Variants in CSMD1 observed in about 807,000 individuals in gnomAD.
CSMD1 encodes the protein CUB and sushi domain-containing protein 1.
A neutral mutation model predicts 417.5 loss-of-function variants in CSMD1; 213 were observed. The ratio of observed to expected loss-of-function variants is 0.51; its 90% CI spans 0.46 to 0.57. CSMD1 has a LOEUF of 0.57. Ranked by LOEUF, CSMD1 falls within the 20% of genes least tolerant of loss-of-function variation. The pLI, the probability that CSMD1 is intolerant of heterozygous loss-of-function variation, is 0.00. For synonymous variants in CSMD1, 2,862 were observed against 1,736.8 expected (o/e 1.65, Z -16.11); for missense variants, 6,923 against 4,529.7 (o/e 1.53, Z -15.17).
At chr8:4,162,790 T>C (rs546137132) in intron 3 of CSMD1, among the ~76,000 whole-genome samples, 3 of 152,276 alleles carry the variant, frequency 2.0e-5, no homozygotes, top group Admixed American at 2.0e-4. Context: ...GGTTCACTCT[T>C]GGTATTGTAC....
intron 1 of CSMD1, among the ~76,000 whole-genome samples, chr8:4,902,598 T>C (rs1457832060): frequency 6.6e-6 from 1 of 152,244 alleles, no homozygotes; most frequent in Non-Finnish European, 1.5e-5. Context: ...GCTAATAACA[T>C]CCTTTGACCA....
chr8:3,648,850 T>C (rs1797707241), intron 7 of CSMD1, among the ~76,000 whole-genome samples: 1 of 152,214 alleles, frequency 6.6e-6, no homozygotes, highest in African/African-American at 2.4e-5. Context: ...TGTTATGTTG[T>C]TACCAAGTGT....
intron 3 of CSMD1, among the ~76,000 whole-genome samples, chr8:4,081,220 C>T (rs112442920): frequency 3.9e-5 from 6 of 152,250 alleles, no homozygotes; most frequent in African/African-American, 1.4e-4. Flanking sequence ...TTTTGTTATG[C>T]AGCAGGAACA....
intron 46 of CSMD1, among the ~76,000 whole-genome samples, chr8:3,102,645 G>A (rs1415380259): frequency 1.3e-5 from 2 of 152,174 alleles, no homozygotes; most frequent in South Asian, 2.1e-4. Context: ...TTCTGAGGGA[G>A]GCCACTCTCA....
chr8:3,400,594 G>A (rs1311015844), intron 15 of CSMD1, among the ~76,000 whole-genome samples: 1 of 151,938 alleles, frequency 6.6e-6, no homozygotes, highest in Non-Finnish European at 1.5e-5. Flanking sequence ...TTGGAATGTG[G>A]CAAATATATT....
chr8:3,905,375 T>C (rs1460561775), intron 5 of CSMD1, among the ~76,000 whole-genome samples: 1 of 152,216 alleles, frequency 6.6e-6, no homozygotes, highest in Non-Finnish European at 1.5e-5. Context: ...CTTTAGATTT[T>C]CTTAGTAACT....
intron 49 of CSMD1, among the ~76,000 whole-genome samples, chr8:3,079,597 T>C (rs989589320): frequency 4.6e-5 from 7 of 152,214 alleles, no homozygotes; most frequent in Non-Finnish European, 1.5e-5. Context: ...AGTTAATTCA[T>C]TTATGCCAGG....
At chr8:3,990,209 C>G (rs1464140257) in intron 5 of CSMD1, among the ~76,000 whole-genome samples, 2 of 152,136 alleles carry the variant, frequency 1.3e-5, no homozygotes, top group African/African-American at 4.8e-5. Context: ...TTACAAACAA[C>G]AGGTATTTCA....
At chr8:4,930,789 A>G (rs1229672097) in intron 1 of CSMD1, among the ~76,000 whole-genome samples, 2 of 152,210 alleles carry the variant, frequency 1.3e-5, no homozygotes, top group South Asian at 4.1e-4. Flanking sequence ...AAGGAAAGCA[A>G]TTTCAGCTGT....
chr8:4,058,336 G>T (rs1199447827), intron 3 of CSMD1, among the ~76,000 whole-genome samples: 1 of 152,076 alleles, frequency 6.6e-6, no homozygotes, highest in Non-Finnish European at 1.5e-5. Flanking sequence ...CTCTCTGTTT[G>T]CCTGTTATTG....
At chr8:4,525,320 G>C (rs117159988) in intron 2 of CSMD1, among the ~76,000 whole-genome samples, 1 of 152,030 alleles carries the variant, frequency 6.6e-6, no homozygotes, top group Non-Finnish European at 1.5e-5. Context: ...CAAGGCTCCC[G>C]GCATGGGGAT....
chr8:4,400,377 A>T (rs188789331), intron 3 of CSMD1, among the ~76,000 whole-genome samples: 1 of 152,248 alleles, frequency 6.6e-6, no homozygotes, highest in Non-Finnish European at 1.5e-5. Context: ...CTTTTCATTT[A>T]TATATCCATC....
At chr8:4,965,279 A>G (rs969318096) in intron 1 of CSMD1, among the ~76,000 whole-genome samples, 2 of 152,222 alleles carry the variant, frequency 1.3e-5, no homozygotes, top group Non-Finnish European at 2.9e-5. Flanking sequence ...ATACTTACTG[A>G]GTACTTATTG....
chr8:4,045,220 A>T (rs557460726), intron 3 of CSMD1, among the ~76,000 whole-genome samples: 13 of 152,190 alleles, frequency 8.5e-5, no homozygotes, highest in African/African-American at 3.1e-4. Flanking sequence ...TGTGGGCGAC[A>T]GTTGTCCCAT....
At chr8:3,875,616 G>C (rs1489210758) in intron 5 of CSMD1, among the ~76,000 whole-genome samples, 1 of 152,114 alleles carries the variant, frequency 6.6e-6, no homozygotes, top group East Asian at 1.9e-4. Context: ...AAGAGGAGGA[G>C]GACCAGAGTT....
At chr8:4,190,970 G>T (rs770007881) in intron 3 of CSMD1, among the ~76,000 whole-genome samples, 1 of 151,912 alleles carries the variant, frequency 6.6e-6, no homozygotes, top group Non-Finnish European at 1.5e-5. Flanking sequence ...GGCGGGGAAG[G>T]GAGAGGATCA....
intron 30 of CSMD1, among the ~76,000 whole-genome samples, chr8:3,207,856 T>A (rs1310080436): frequency 6.6e-6 from 1 of 152,196 alleles, no homozygotes; most frequent in African/African-American, 2.4e-5. Context: ...GTTTTTATGA[T>A]TTTAAATAGA....
chr8:3,564,730 C>T (rs958208181), intron 10 of CSMD1, among the ~76,000 whole-genome samples: 7 of 146,520 alleles, frequency 4.8e-5, no homozygotes, highest in Middle Eastern at 6.8e-3. Flanking sequence ...GCAGAAAAAC[C>T]AACCAACCAA....
chr8:4,049,082 T>A (rs1798291899), intron 3 of CSMD1, among the ~76,000 whole-genome samples: 1 of 152,164 alleles, frequency 6.6e-6, no homozygotes, highest in South Asian at 2.1e-4. Flanking sequence ...AGGAATTGCC[T>A]CCATTTTTTT....
Sources: gnomAD v4.1 joint callset for allele counts (sites outside exome capture counted in the v4.1 genomes callset) on GRCh38, gnomAD v4.1.1 for gene constraint, MANE v1.5 for transcripts, NCBI Gene and HGNC (gene_info 2026-07-23, HGNC 2026-07-21) for gene names.